The following E2F3 variants were observed in gnomAD, a reference collection of about 807,000 sequenced individuals.
E2F3 encodes E2F transcription factor 3.
E2F3 carries 11 observed loss-of-function variants against 44.4 expected under a neutral mutation model. The ratio of observed to expected loss-of-function variants is 0.25; its 90% CI spans 0.16 to 0.41. E2F3 has a LOEUF of 0.41. E2F3 is among the 10% of genes least tolerant of loss of function. The pLI, the probability that E2F3 is intolerant of heterozygous loss-of-function variation, is 1.00. For missense variants in E2F3, 487 were observed against 583.6 expected, an observed-to-expected ratio of 0.83 and a Z score of 1.70; for synonymous variants, 249 against 253.0, an observed-to-expected ratio of 0.98 and a Z score of 0.15.
rs998783284 is a variant in E2F3, at chr6:20,414,238, C to G, written c.393+11613C>G. 8.5e-5 allele frequency among the ~76,000 whole-genome samples: 13 copies of G among 152,306 alleles called. 1 individual carries two copies. In the East Asian group the frequency reaches 2.5e-3, roughly 29 times the overall value. On this transcript the variant is annotated intron_variant, in intron 1 of 6. Transcript: ENST00000346618. ...TAATATGAAAACGAGACAAATTCAT[C>G]AGGTTGATTTTTGGGGATCGATGCT...
intron 1 of E2F3, among the ~76,000 whole-genome samples, chr6:20,433,153 T>A (rs73382489): frequency 0.036 from 5,467 of 152,258 alleles, 315 homozygotes; most frequent in African/African-American, 0.12. Context: ...TGGCAGTGGG[T>A]GGACTCGCTG....
intron 1 of E2F3, among the ~76,000 whole-genome samples, chr6:20,455,554 C>T (rs747879164): frequency 4.4e-4 from 67 of 152,266 alleles, no homozygotes; most frequent in Non-Finnish European, 8.5e-4. Flanking sequence ...TCATAGAAGC[C>T]TATGGTTTTA....
intron 1 of E2F3, chr6:20,403,569 A>AGGC: frequency 2.2e-6 from 1 of 445,074 alleles, no homozygotes; most frequent in South Asian, 3.4e-5. Flanking sequence ...ACTGGGGAGG[A>AGGC]GGCGGCGGCG....
intron 1 of E2F3, among the ~76,000 whole-genome samples, chr6:20,436,097 C>T (rs2036045050): frequency 6.6e-6 from 1 of 151,636 alleles, no homozygotes; most frequent in Non-Finnish European, 1.5e-5. Context: ...TCTTCTGCCT[C>T]AGCCTCCCGA....
chr6:20,459,142 G>A (rs760981054), intron 1 of E2F3, among the ~76,000 whole-genome samples: 1 of 152,110 alleles, frequency 6.6e-6, no homozygotes, highest in African/African-American at 2.4e-5. Flanking sequence ...CGTGGTGGCC[G>A]ACACCTGTAA....
chr6:20,447,539 A>G (rs550452301), intron 1 of E2F3, among the ~76,000 whole-genome samples: 4 of 147,734 alleles, frequency 2.7e-5, no homozygotes, highest in African/African-American at 1.0e-4. Flanking sequence ...ACTCTCAGCA[A>G]TCTTTTTTTT....
chr6:20,484,138 G>A (rs866457820), intron 4 of E2F3, among the ~76,000 whole-genome samples: 14 of 152,162 alleles, frequency 9.2e-5, no homozygotes, highest in African/African-American at 2.7e-4. Context: ...GCAGCCTTCC[G>A]GGACATGTGG....
chr6:20,489,676 T>C (rs1762500639), intron 6 of E2F3, among the ~76,000 whole-genome samples: 1 of 152,074 alleles, frequency 6.6e-6, no homozygotes, highest in Non-Finnish European at 1.5e-5. Flanking sequence ...GTGAGTAGAC[T>C]AGGGCCAAAG....
At chr6:20,446,544 A>C (rs937782507) in intron 1 of E2F3, among the ~76,000 whole-genome samples, 1 of 152,138 alleles carries the variant, frequency 6.6e-6, no homozygotes, top group African/African-American at 2.4e-5. Context: ...GGAAAGTGAA[A>C]TTTGCAATTC....
intron 1 of E2F3, among the ~76,000 whole-genome samples, chr6:20,412,727 G>T (rs1759716411): frequency 6.6e-6 from 1 of 152,172 alleles, no homozygotes; most frequent in Non-Finnish European, 1.5e-5. Context: ...AGAGGGGATG[G>T]CAGGCCTTGT....
intron 1 of E2F3, among the ~76,000 whole-genome samples, chr6:20,414,356 C>T (rs1204403493): frequency 2.0e-5 from 3 of 152,126 alleles, no homozygotes; most frequent in Non-Finnish European, 4.4e-5. Flanking sequence ...AGTTTGCAAC[C>T]TCACAAAGCA....
chr6:20,432,493 A>G (rs927613780), intron 1 of E2F3, among the ~76,000 whole-genome samples: 6 of 152,260 alleles, frequency 3.9e-5, no homozygotes, highest in African/African-American at 1.2e-4. Flanking sequence ...GACAAGATAT[A>G]TGGTGTAGAC....
intron 1 of E2F3, among the ~76,000 whole-genome samples, chr6:20,458,600 T>G (rs926770675): frequency 1.3e-5 from 2 of 152,210 alleles, no homozygotes; most frequent in Non-Finnish European, 2.9e-5. Context: ...AACCCATATC[T>G]TATCAGTGTA....
intron 2 of E2F3, 191 bp downstream of exon 2, chr6:20,480,148 C>A: frequency 1.2e-6 from 1 of 817,200 alleles, no homozygotes; most frequent in Non-Finnish European, 1.5e-6. Flanking sequence ...CAGAGTCACA[C>A]TGGTACCATA....
intron 1 of E2F3, among the ~76,000 whole-genome samples, chr6:20,447,463 C>T (rs373525804): frequency 1.4e-5 from 2 of 144,678 alleles, no homozygotes; most frequent in African/African-American, 5.1e-5. Context: ...GCCACTGCTT[C>T]TTCTGCTTGC....
At chr6:20,413,093 A>C (rs528442266) in intron 1 of E2F3, among the ~76,000 whole-genome samples, 7 of 152,304 alleles carry the variant, frequency 4.6e-5, no homozygotes, top group African/African-American at 1.7e-4. Flanking sequence ...ACTGAAATTA[A>C]ACCCAAGGAG....
chr6:20,403,735 C>G, intron 1 of E2F3: 2 of 1,436,262 alleles, frequency 1.4e-6, no homozygotes, highest in Non-Finnish European at 1.8e-6. Flanking sequence ...CCTCGCCCTG[C>G]GCCGCCGGTC....
intron 2 of E2F3, among the ~76,000 whole-genome samples, chr6:20,480,763 A>T (rs1762195766): frequency 6.6e-6 from 1 of 151,818 alleles, no homozygotes; most frequent in South Asian, 2.1e-4. Flanking sequence ...CTGAAAGGCC[A>T]TTTGAGATGG....
intron 6 of E2F3, among the ~76,000 whole-genome samples, chr6:20,489,233 C>A (rs1485022307): frequency 6.6e-6 from 1 of 152,200 alleles, no homozygotes; most frequent in Admixed American, 6.5e-5. Flanking sequence ...CATCTTTCTT[C>A]ACCACAGAAA....
Sources: gnomAD v4.1 joint callset for allele counts (sites outside exome capture counted in the v4.1 genomes callset) on GRCh38, gnomAD v4.1.1 for gene constraint, MANE v1.5 for transcripts, NCBI Gene and HGNC (gene_info 2026-07-23, HGNC 2026-07-21) for gene names.